DNER: variants seen among roughly 807,000 people sequenced by gnomAD.
DNER encodes the protein delta/notch like EGF repeat containing.
In DNER, 33 loss-of-function variants were observed where a neutral mutation model predicts 78.2. The observed-to-expected ratio is 0.42, with a 90% CI of 0.32 to 0.56. The LOEUF (loss-of-function observed/expected upper bound fraction) is 0.56. DNER is among the 20% of genes least tolerant of loss of function. DNER has a pLI of 0.11. For missense variants in DNER, 918 were observed against 975.3 expected, an observed-to-expected ratio of 0.94 and a Z score of 0.78; for synonymous variants, 417 against 384.8, an observed-to-expected ratio of 1.08 and a Z score of -0.98.
At chr2:229,462,411 C>T (rs971148044) in intron 7 of DNER, among the ~76,000 whole-genome samples, 4 of 152,020 alleles carry the variant, frequency 2.6e-5, no homozygotes, top group Admixed American at 1.3e-4. Flanking sequence ...CTCAGCATTC[C>T]ATTGCCTTGG....
At chr2:229,508,738 G>A (rs1465298001) in intron 6 of DNER, among the ~76,000 whole-genome samples, 6 of 151,968 alleles carry the variant, frequency 3.9e-5, no homozygotes, top group Non-Finnish European at 5.9e-5. Flanking sequence ...AAAATTAGCC[G>A]GGCGTGGTGG....
intron 1 of DNER, among the ~76,000 whole-genome samples, chr2:229,605,164 G>A (rs891153930): frequency 1.3e-5 from 2 of 152,166 alleles, no homozygotes; most frequent in South Asian, 2.1e-4. Flanking sequence ...GAAAGTGGAA[G>A]AGGTCACCCG....
At chr2:229,615,351 T>C (rs141918533) in intron 1 of DNER, among the ~76,000 whole-genome samples, 2,735 of 144,064 alleles carry the variant, frequency 0.019, 94 homozygotes, top group African/African-American at 0.068. Flanking sequence ...GCTGAGGTTG[T>C]GGTGAGCCAA....
intron 8 of DNER, among the ~76,000 whole-genome samples, chr2:229,432,721 C>G (rs1021819270): frequency 1.3e-5 from 2 of 152,118 alleles, no homozygotes; most frequent in African/African-American, 4.8e-5. Flanking sequence ...CCCGCTGATT[C>G]AGGGACTCTA....
At chr2:229,472,894 C>A (rs1304586851) in intron 7 of DNER, among the ~76,000 whole-genome samples, 1 of 152,150 alleles carries the variant, frequency 6.6e-6, no homozygotes, top group Non-Finnish European at 1.5e-5. Context: ...GGATAAAAAT[C>A]TCAGTGTAGA....
intron 8 of DNER, among the ~76,000 whole-genome samples, chr2:229,430,750 T>C (rs1212801012): frequency 1.3e-5 from 2 of 151,490 alleles, no homozygotes; most frequent in East Asian, 1.9e-4. Context: ...CTAATACACA[T>C]GTTTTATGGG....
chr2:229,637,735 T>C (rs1698552690), intron 1 of DNER, among the ~76,000 whole-genome samples: 1 of 152,228 alleles, frequency 6.6e-6, no homozygotes, highest in Admixed American at 6.5e-5. Context: ...GCGTTTTTTT[T>C]CTTTTTGCTG....
chr2:229,577,392 C>T (rs752334539), intron 4 of DNER, among the ~76,000 whole-genome samples: 12 of 152,172 alleles, frequency 7.9e-5, no homozygotes, highest in African/African-American at 2.4e-4. Context: ...ATAGGCTGGG[C>T]GCAGTGGCTC....
At chr2:229,366,708 G>T (rs948558995) in intron 12 of DNER, among the ~76,000 whole-genome samples, 165 bp downstream of exon 12, 3 of 152,188 alleles carry the variant, frequency 2.0e-5, no homozygotes, top group Non-Finnish European at 4.4e-5. Context: ...AAAGGAGTTT[G>T]CTTATCAAGT....
intron 1 of DNER, among the ~76,000 whole-genome samples, chr2:229,594,614 A>AAT (rs199655615): frequency 0.029 from 4,340 of 149,722 alleles, 96 homozygotes; most frequent in Non-Finnish European, 0.043. Context: ...CAAACAAACA[A>AAT]AAAAAAAAAC....
intron 10 of DNER, among the ~76,000 whole-genome samples, chr2:229,390,938 C>A (rs1278083888): frequency 2.0e-5 from 3 of 152,172 alleles, no homozygotes; most frequent in Non-Finnish European, 2.9e-5. Flanking sequence ...TATAGACAAA[C>A]CCTCCTACGC....
At chr2:229,683,658 G>C (rs753354032) in intron 1 of DNER, among the ~76,000 whole-genome samples, 1 of 152,166 alleles carries the variant, frequency 6.6e-6, no homozygotes, top group Non-Finnish European at 1.5e-5. Context: ...TGGTGATGAT[G>C]ATGATGGTGA....
chr2:229,675,933 G>A (rs528824247), intron 1 of DNER, among the ~76,000 whole-genome samples: 1 of 152,272 alleles, frequency 6.6e-6, no homozygotes, highest in East Asian at 1.9e-4. Context: ...TGCTCCACTG[G>A]TGCATCGGGG....
At chr2:229,635,252 C>G (rs1338812890) in intron 1 of DNER, among the ~76,000 whole-genome samples, 1 of 150,548 alleles carries the variant, frequency 6.6e-6, no homozygotes, top group Non-Finnish European at 1.5e-5. Context: ...CCTAGTACAG[C>G]AGGAGACCTC....
At position 229,549,574 on chromosome 2, in the gene DNER, C is replaced by T. The variant is rs559224740; in HGVS notation, c.848-2482G>A. Among the ~76,000 whole-genome samples, 151 of 152,288 alleles carry T rather than the reference C, an allele frequency of 9.9e-4. 1 individual carries two copies. Among genetic ancestry groups the T allele is most frequent in the African/African-American group, 3.4e-3 (143 of 41,570 alleles). On this transcript the variant is annotated intron_variant, in intron 4 of 12. Transcript: ENST00000341772. ...TTGGCCTCCCAAAGTGCTGGGACTA[C>T]AAGCATGAGCCACCACATCCAGCCT... is the stretch of plus-strand genomic sequence containing the variant.
intron 1 of DNER, among the ~76,000 whole-genome samples, chr2:229,667,283 A>G (rs1456991767): frequency 1.3e-5 from 2 of 152,204 alleles, no homozygotes; most frequent in Non-Finnish European, 2.9e-5. Context: ...ATGGGTTGAA[A>G]GGATTGCACA....
chr2:229,453,492 T>C (rs557104713), intron 7 of DNER, among the ~76,000 whole-genome samples: 5 of 152,158 alleles, frequency 3.3e-5, no homozygotes, highest in Non-Finnish European at 7.4e-5. Context: ...TGGATGGGAA[T>C]TGGATTCATC....
intron 1 of DNER, among the ~76,000 whole-genome samples, chr2:229,665,437 C>CA (rs1490315966): frequency 1.3e-5 from 2 of 151,732 alleles, no homozygotes; most frequent in Non-Finnish European, 1.5e-5. Flanking sequence ...GGCAAGCAAC[C>CA]AAAAACAGGG....
intron 8 of DNER, among the ~76,000 whole-genome samples, chr2:229,429,454 C>A (rs76306842): frequency 0.086 from 13,128 of 152,156 alleles, 1,032 homozygotes; most frequent in African/African-American, 0.21. Flanking sequence ...CTGGCATTGT[C>A]CGTGAGGTGG....
Sources: allele counts gnomAD v4.1 joint callset (sites outside exome capture counted in the v4.1 genomes callset), GRCh38; gene constraint gnomAD v4.1.1; transcripts MANE v1.5; gene names NCBI Gene and HGNC (gene_info 2026-07-23, HGNC 2026-07-21).